Variants in N4BP2L2 observed in about 807,000 individuals in gnomAD.
N4BP2L2 encodes the protein NEDD4-binding protein 2-like 2.
Under a neutral mutation model 56.2 loss-of-function variants are expected in N4BP2L2, and 50 were observed. The observed-to-expected ratio is 0.89, with a 90% confidence interval of 0.71 to 1.13. The LOEUF (loss-of-function observed/expected upper bound fraction) is 1.13. Ranked by LOEUF, N4BP2L2 falls within the 50% of genes most tolerant of loss-of-function variation. N4BP2L2 has a pLI of 0.00. For missense variants in N4BP2L2, 689 were observed against 693.8 expected, an observed-to-expected ratio of 0.99 and a Z score of 0.08; for synonymous variants, 203 against 223.6, an observed-to-expected ratio of 0.91 and a Z score of 0.82.
At chr13:32,442,003 G>C (rs1423353854) in intron 7 of N4BP2L2, among the ~76,000 whole-genome samples, 1 of 152,180 alleles carries the variant, frequency 6.6e-6, no homozygotes, top group Admixed American at 6.5e-5. Flanking sequence ...GTGAACCCGG[G>C]AGGCGGAGCT....
At chr13:32,485,084 A>C (rs560124742) in intron 6 of N4BP2L2, among the ~76,000 whole-genome samples, 3 of 152,166 alleles carry the variant, frequency 2.0e-5, no homozygotes, top group East Asian at 1.9e-4. Context: ...AACCTCAAAA[A>C]ATTTCACTAG....
exon 6 of N4BP2L2, chr13:32,516,577 G>A (rs544868773): frequency 1.3e-5 from 2 of 152,248 alleles, no homozygotes; most frequent in South Asian, 2.1e-4. Flanking sequence ...GAAATACTAT[G>A]GGATTCAAGA....
intron 7 of N4BP2L2, among the ~76,000 whole-genome samples, chr13:32,438,942 A>C (rs1177863393): frequency 1.3e-5 from 2 of 152,248 alleles, no homozygotes. Flanking sequence ...GATTCATTTG[A>C]GTTCTTGCCT....
At position 32,486,253 on chromosome 13, in the gene N4BP2L2, A is replaced by G. The variant is rs533367786; in HGVS notation, c.365+31604T>C. ...CACCATTTCTATTCAACATTACACC[A>G]CAGGCGATTAGGCAAGAAAAAAAAT... On this transcript the variant is annotated intron_variant, in intron 6 of 9. Coordinates refer to the N4BP2L2 transcript ENST00000357505. Among the ~76,000 whole-genome samples the G allele has an allele frequency of 2.6e-5, 4 of 152,308 alleles. No individual in the cohort carries two copies. The East Asian group carries it at 7.7e-4, about 29-fold the overall frequency.
rs1364974708 is a variant in N4BP2L2, at chr13:32,473,332, T to A, written c.366-29206A>T. 4.6e-5 allele frequency among the ~76,000 whole-genome samples: 7 copies of A among 151,838 alleles called. No individual in the cohort carries two copies. The East Asian group carries it at 1.3e-3, about 29-fold the overall frequency. Reference sequence around the variant, plus strand: ...ATTATATGTTGAAATAATATTTTGATAGGTTAAATCAAATACATTATCAAA... The same window carrying A: ...ATTATATGTTGAAATAATATTTTGAAAGGTTAAATCAAATACATTATCAAA... On this transcript the variant is annotated intron_variant, in intron 6 of 9. Coordinates refer to the N4BP2L2 transcript ENST00000357505.
intron 2 of N4BP2L2, among the ~76,000 whole-genome samples, chr13:32,533,941 C>G (rs1318867693): frequency 6.6e-6 from 1 of 152,132 alleles, no homozygotes; most frequent in East Asian, 1.9e-4. Flanking sequence ...GACCAGGATC[C>G]TTGAAGTCAG....
At chr13:32,508,805 T>C (rs776901420), downstream of N4BP2L2, 2 of 152,160 alleles carry the variant, frequency 1.3e-5, no homozygotes, top group Non-Finnish European at 2.9e-5. Flanking sequence ...AGGATCACAG[T>C]TCTTTGGGAA....
intron 6 of N4BP2L2, among the ~76,000 whole-genome samples, chr13:32,465,953 A>T (rs566784302): frequency 1.3e-5 from 2 of 152,136 alleles, no homozygotes; most frequent in Non-Finnish European, 2.9e-5. Flanking sequence ...CGCCTGGCCT[A>T]GTTTTGTTTA....
intron 5 of N4BP2L2, among the ~76,000 whole-genome samples, chr13:32,520,519 A>G (rs2050546398): frequency 6.6e-6 from 1 of 151,146 alleles, no homozygotes; most frequent in African/African-American, 2.5e-5. Flanking sequence ...ATTAGCCGGG[A>G]GTGGTGGCCA....
chr13:32,467,741 C>A (rs1469884841), intron 6 of N4BP2L2, among the ~76,000 whole-genome samples: 1 of 151,272 alleles, frequency 6.6e-6, no homozygotes. Flanking sequence ...GTAATCCGAG[C>A]ACTTTGGGAG....
At chr13:32,509,920 A>C (rs2091507616), downstream of N4BP2L2, among the ~76,000 whole-genome samples, 1 of 152,188 alleles carries the variant, frequency 6.6e-6, no homozygotes, top group South Asian at 2.1e-4. Context: ...CCAGTTCTTC[A>C]ATTTTTTTAA....
At chr13:32,506,181 T>G (rs1252118542), downstream of N4BP2L2, 1 of 152,218 alleles carries the variant, frequency 6.6e-6, no homozygotes, top group Non-Finnish European at 1.5e-5. Flanking sequence ...GCCATCTTCC[T>G]CCAGTGTCTT....
In N4BP2L2 at chr13:32,443,137, C is replaced by T. The variant is rs777610764; in HGVS notation, c.1355G>A (p.Ser452Asn). The change falls in exon 7 of 10, where the codon AGC becomes AAC. Residue 452 changes from serine to asparagine, a missense_variant. Ser to Asn is a conservative substitution (Grantham distance 46, BLOSUM62 1). Transcript: ENST00000357505. Reference sequence around the variant, plus strand: ...TGGTATATCCGGTTGAGGTAAGCAGCTTCTGAAGAGGTTTGTTTCTATGAA... The same window carrying T: ...TGGTATATCCGGTTGAGGTAAGCAGTTTCTGAAGAGGTTTGTTTCTATGAA... 7.4e-6 allele frequency: 12 copies of T among 1,613,604 alleles called. No homozygotes were observed. In the Admixed American group the frequency reaches 2.0e-4, roughly 27 times the overall value.
rs60854435 is a variant in N4BP2L2 at position 32,481,118 on chromosome 13, C to CAAAAAAAAAAAAAAA, written c.365+36724_365+36738dup. On this transcript the variant is annotated intron_variant, in intron 6 of 9. Coordinates refer to the N4BP2L2 transcript ENST00000357505. ...TCAGCAACAGAGTGAGACTCTGTCT[C>CAAAAAAAAAAAAAAA]AAAAAAAAAAAAAAAAAAAAAAAAA... 2.4e-4 allele frequency among the ~76,000 whole-genome samples: 5 copies of CAAAAAAAAAAAAAAA among 20,714 alleles called. 2 individuals are homozygous for CAAAAAAAAAAAAAAA. Among genetic ancestry groups the CAAAAAAAAAAAAAAA allele is most frequent in the African/African-American group, 9.2e-4 (5 of 5,406 alleles). 13.6% of individuals were successfully genotyped at this position (20,714 alleles called of 152,430 possible). A position where few individuals can be genotyped will look rare whatever the true frequency, so the allele number is the denominator to read the frequency against.
exon 6 of N4BP2L2, chr13:32,511,581 C>T (rs1162246877): frequency 6.6e-6 from 1 of 151,996 alleles, no homozygotes; most frequent in Non-Finnish European, 1.5e-5. Context: ...CTACCTAACC[C>T]ACAGGGTCAG....
chr13:32,500,979 C>T (rs2089904119), intron 6 of N4BP2L2, among the ~76,000 whole-genome samples: 1 of 149,924 alleles, frequency 6.7e-6, no homozygotes, highest in African/African-American at 2.5e-5. Flanking sequence ...AGCGGTTCTT[C>T]TGCCTCAGCC....
At chr13:32,441,853 C>G (rs2138277520) in intron 7 of N4BP2L2, among the ~76,000 whole-genome samples, 1 of 149,694 alleles carries the variant, frequency 6.7e-6, no homozygotes, top group South Asian at 2.1e-4. Context: ...ACCATCCTGG[C>G]TAACATGGTG....
rs1236924461 is a variant in N4BP2L2, at chr13:32,521,465, G to A, written c.1474-16C>T. The A allele has an allele frequency of 8.9e-6, 14 of 1,571,494 alleles. No individual in the cohort carries two copies. Among genetic ancestry groups the A allele is most frequent in the South Asian group, 1.2e-5 (1 of 84,910 alleles). On this transcript the variant is annotated splice_polypyrimidine_tract_variant and intron_variant, in intron 4 of 5. Coordinates refer to ENST00000267068, the Ensembl canonical transcript of N4BP2L2. Reference sequence around the variant, plus strand: ...TTCCTATGGCCTACACAAAGGAAAGGAAGAAAACAAAAACCCAGAGAAGTA... The same window carrying A: ...TTCCTATGGCCTACACAAAGGAAAGAAAGAAAACAAAAACCCAGAGAAGTA...
intron 6 of N4BP2L2, among the ~76,000 whole-genome samples, chr13:32,471,393 T>C (rs1244846871): frequency 6.6e-6 from 1 of 152,230 alleles, no homozygotes; most frequent in Admixed American, 6.5e-5. Flanking sequence ...TGCAGGCGCA[T>C]ACTCCACTTG....
Sources: allele counts gnomAD v4.1 joint callset (sites outside exome capture counted in the v4.1 genomes callset), GRCh38; gene constraint gnomAD v4.1.1; transcripts MANE v1.5; gene names NCBI Gene and HGNC (gene_info 2026-07-23, HGNC 2026-07-21).